CACNA1D: variants seen among roughly 807,000 people sequenced by gnomAD.
CACNA1D encodes the protein calcium voltage-gated channel subunit alpha1 D.
In CACNA1D, 55 loss-of-function variants were observed where a neutral mutation model predicts 257.1. That is an observed-to-expected ratio of 0.21 (90% confidence interval 0.17 to 0.27). The LOEUF (loss-of-function observed/expected upper bound fraction) is 0.27. Ranked by LOEUF, CACNA1D falls within the 10% of genes least tolerant of loss-of-function variation. The pLI, the probability that CACNA1D is intolerant of heterozygous loss-of-function variation, is 1.00. For missense variants in CACNA1D, 1,876 were observed against 2,784.0 expected, an observed-to-expected ratio of 0.67 and a Z score of 7.34; for synonymous variants, 980 against 1,014.9, an observed-to-expected ratio of 0.97 and a Z score of 0.65.
At chr3:53,730,606 C>T (rs200390893) in intron 16 of CACNA1D, 50 bp downstream of exon 16, 272 of 1,365,702 alleles carry the variant, frequency 2.0e-4, no homozygotes, top group Non-Finnish European at 2.5e-4. Context: ...TGTTGGGAGC[C>T]CTGCAACAGT....
Position 53,751,925 on chromosome 3 carries a change from C to G in CACNA1D, c.3675+18C>G. The G allele has an allele frequency of 6.2e-7, 1 of 1,613,212 alleles. No individual in the cohort carries two copies. Among genetic ancestry groups the G allele is most frequent in the African/African-American group, 1.3e-5 (1 of 74,962 alleles). The stretch of plus-strand genomic sequence containing the variant: ...CCATGCAGGTAAAAATGGAGACAGC[C>G]GTGGGGATCAGGTCCGGGCATTCCG... On this transcript the variant is annotated intron_variant, in intron 28 of 47. Coordinates refer to ENST00000350061, the MANE Select transcript of CACNA1D (RefSeq NM_001128840.3). This position sits in a 1 kb window ranked among gnomAD's most constrained non-coding sequence, Gnocchi z 4.3.
At chr3:53,748,734 A>G (rs777734113) in intron 26 of CACNA1D, among the ~76,000 whole-genome samples, 1 of 152,218 alleles carries the variant, frequency 6.6e-6, no homozygotes, top group African/African-American at 2.4e-5. Flanking sequence ...CGGGAAGCCT[A>G]TGCATGGGCT....
intron 3 of CACNA1D, among the ~76,000 whole-genome samples, chr3:53,590,831 A>G (rs1333825276): frequency 3.3e-5 from 5 of 152,164 alleles, no homozygotes; most frequent in African/African-American, 1.2e-4. Context: ...CTACACTGAG[A>G]AGCACTGAGC....
At chr3:53,714,496 C>G (rs974777472) in intron 9 of CACNA1D, among the ~76,000 whole-genome samples, 1 of 152,210 alleles carries the variant, frequency 6.6e-6, no homozygotes, top group East Asian at 1.9e-4. Context: ...CCATTGCAGC[C>G]TGATTTTTGT....
chr3:53,550,162 G>A (rs150449343), intron 3 of CACNA1D, among the ~76,000 whole-genome samples: 199 of 152,282 alleles, frequency 1.3e-3, no homozygotes, highest in Non-Finnish European at 2.5e-3. Context: ...AGCTGGGGAT[G>A]CCCTTCCAGA....
At chr3:53,710,408 C>T (rs762787143) in intron 9 of CACNA1D, 28 of 456,484 alleles carry the variant, frequency 6.1e-5, no homozygotes, top group Non-Finnish European at 9.7e-5. Flanking sequence ...TCACAGTGGC[C>T]GACTTGCTTA....
chr3:53,653,703 A>C (rs984109961), intron 4 of CACNA1D, among the ~76,000 whole-genome samples: 4 of 145,142 alleles, frequency 2.8e-5, no homozygotes, highest in African/African-American at 9.8e-5. Context: ...CCTGTGGGGG[A>C]ATAACAAGTG....
chr3:53,713,323 G>A (rs1202584541), intron 9 of CACNA1D, among the ~76,000 whole-genome samples: 1 of 152,184 alleles, frequency 6.6e-6, no homozygotes, highest in African/African-American at 2.4e-5. Context: ...AGAGGCACTT[G>A]TCCCATTGTC....
intron 3 of CACNA1D, among the ~76,000 whole-genome samples, chr3:53,548,373 A>ATTT (rs1278474628): frequency 0.41 from 52,061 of 126,312 alleles, 10,580 homozygotes; most frequent in Non-Finnish European, 0.51. Context: ...TTTTTTTTTA[A>ATTT]AAATTATCTT....
At chr3:53,762,895 G>C (rs2095311544) in intron 30 of CACNA1D, among the ~76,000 whole-genome samples, 1 of 152,222 alleles carries the variant, frequency 6.6e-6, no homozygotes. Flanking sequence ...AAAGTTATAA[G>C]GGCTGGGAGT....
chr3:53,730,935 G>T (rs2094985276), intron 16 of CACNA1D, 142 bp from the exon 17 acceptor site: 1 of 654,762 alleles, frequency 1.5e-6, no homozygotes. Context: ...AGTTTGGGTT[G>T]TGCTAGGCTC....
At chr3:53,798,727 G>A (rs1408334652) in intron 40 of CACNA1D, among the ~76,000 whole-genome samples, 3 of 152,188 alleles carry the variant, frequency 2.0e-5, no homozygotes, top group African/African-American at 7.2e-5. Flanking sequence ...GGAAGTTCCT[G>A]TGTGACTTTA....
At chr3:53,733,926 GTGTT>G (rs1181415782) in intron 19 of CACNA1D, among the ~76,000 whole-genome samples, 5 of 81,940 alleles carry the variant, frequency 6.1e-5, no homozygotes, top group Non-Finnish European at 1.2e-4. Flanking sequence ...GTGTGTGTGT[GTGTT>G]TGTGTGTGTG....
intron 3 of CACNA1D, among the ~76,000 whole-genome samples, chr3:53,629,960 C>T (rs1272006633): frequency 1.3e-5 from 2 of 152,172 alleles, no homozygotes; most frequent in Non-Finnish European, 2.9e-5. Flanking sequence ...AAAAGCTGGA[C>T]CTCAGGAGGG....
At chr3:53,702,869 A>G in intron 9 of CACNA1D, 59 bp downstream of exon 9, 1 of 1,586,428 alleles carries the variant, frequency 6.3e-7, no homozygotes, top group South Asian at 1.1e-5. Flanking sequence ...TCAGACGCCT[A>G]GCAGTAGGCC....
chr3:53,537,738 C>T (rs1020112176), intron 3 of CACNA1D, among the ~76,000 whole-genome samples: 9 of 152,152 alleles, frequency 5.9e-5, no homozygotes, highest in Non-Finnish European at 1.2e-4. Context: ...TCTGTTCCCT[C>T]TGTACACACT....
intron 9 of CACNA1D, among the ~76,000 whole-genome samples, chr3:53,710,739 A>G (rs1217907811): frequency 1.3e-5 from 2 of 152,238 alleles, no homozygotes; most frequent in Non-Finnish European, 2.9e-5. Flanking sequence ...TTCGGCATGA[A>G]TATTCTTAGA....
Position 53,811,354 on chromosome 3 carries a change from G to A in CACNA1D, c.6434G>A (p.Gly2145Glu). 1.3e-6 allele frequency: 2 copies of A among 1,594,040 alleles called. No homozygotes were observed. The highest frequency in any genetic ancestry group is 1.7e-6 in the Non-Finnish European group (2 of 1,167,280). ...TACAGCGACGAAGAGCCAGACCCTG[G>A]GAGGGATGAGGAGGACCTGGCGGAT... ...PGYSDEEPDP[G>E]RDEEDLADEM... The change falls in exon 48 of 48, where the codon GGG (glycine) becomes GAG (glutamate). Residue 2145 changes from glycine to glutamate, a missense_variant. Physicochemically the swap from Gly to Glu is moderately conservative, Grantham distance 98. This residue lies in a region of CACNA1D where 491 missense variants were observed against 554.3 expected (regional missense o/e 0.89). Coordinates refer to ENST00000350061, the MANE Select transcript of CACNA1D (RefSeq NM_001128840.3). The surrounding 1 kb of genome is among the most constrained non-coding windows in gnomAD (Gnocchi z 4.2).
intron 3 of CACNA1D, among the ~76,000 whole-genome samples, chr3:53,505,380 A>G (rs1185899574): frequency 1.3e-5 from 2 of 152,104 alleles, no homozygotes. Context: ...AAGTGCTGGA[A>G]TTACAGGCTT....
Sources: gnomAD v4.1 joint callset for allele counts (sites outside exome capture counted in the v4.1 genomes callset) on GRCh38, gnomAD v4.1.1 for gene constraint, gnomAD v4.1.1 regional missense constraint, Gnocchi (gnomAD v3.1) non-coding constraint, MANE v1.5 for transcripts, NCBI Gene and HGNC (gene_info 2026-07-23, HGNC 2026-07-21) for gene names.